SLC25A31: variants seen among roughly 807,000 people sequenced by gnomAD.
SLC25A31 encodes ADP/ATP translocase 4.
Under a neutral mutation model 36.2 loss-of-function variants are expected in SLC25A31, and 40 were observed. The observed-to-expected ratio is 1.10, with a 90% CI of 0.86 to 1.44. The LOEUF is 1.44. Ranked by LOEUF, SLC25A31 falls within the 40% of genes most tolerant of loss-of-function variation. The probability of loss-of-function intolerance (pLI) is 0.00; values close to 1 mark genes in which losing one functional copy is unlikely to be tolerated. For synonymous variants in SLC25A31, 143 were observed against 149.7 expected, an observed-to-expected ratio of 0.96 and a Z score of 0.32; for missense variants, 350 against 397.1, an observed-to-expected ratio of 0.88 and a Z score of 1.01.
At chr4:127,766,255 C>A (rs1241320276) in intron 3 of SLC25A31, among the ~76,000 whole-genome samples, 1 of 151,792 alleles carries the variant, frequency 6.6e-6, no homozygotes, top group African/African-American at 2.4e-5. Flanking sequence ...GCAGCCTCCA[C>A]CTCCCAGGTT....
chr4:127,770,510 C>T (rs1578674966), intron 5 of SLC25A31, among the ~76,000 whole-genome samples: 2 of 151,890 alleles, frequency 1.3e-5, no homozygotes, highest in South Asian at 4.2e-4. Context: ...CCTGTAGTCC[C>T]AGCTACTCGG....
intron 1 of SLC25A31, among the ~76,000 whole-genome samples, chr4:127,736,309 T>G (rs1731632541): frequency 6.6e-6 from 1 of 152,200 alleles, no homozygotes; most frequent in South Asian, 2.1e-4. Flanking sequence ...TCTTAAATTT[T>G]GAAGAAATTT....
At chr4:127,749,936 A>G (rs1488405853) in intron 2 of SLC25A31, among the ~76,000 whole-genome samples, 1 of 152,220 alleles carries the variant, frequency 6.6e-6, no homozygotes, top group Non-Finnish European at 1.5e-5. Flanking sequence ...TCAAAAACAA[A>G]GAATTTTAAA....
At chr4:127,764,482 C>T in intron 3 of SLC25A31, 122 bp downstream of exon 3, 2 of 763,076 alleles carry the variant, frequency 2.6e-6, no homozygotes, top group East Asian at 2.6e-5. Context: ...TGTTCTCAAC[C>T]AAATGGTGGA....
chr4:127,758,188 T>C (rs1258589105), intron 2 of SLC25A31, among the ~76,000 whole-genome samples: 1 of 152,156 alleles, frequency 6.6e-6, no homozygotes, highest in African/African-American at 2.4e-5. Flanking sequence ...TTCTGGGAGA[T>C]AAAATTCAAG....
At chr4:127,749,708 CAAA>C (rs34540386) in intron 2 of SLC25A31, among the ~76,000 whole-genome samples, 6 of 106,126 alleles carry the variant, frequency 5.7e-5, no homozygotes, top group Admixed American at 1.9e-4. Context: ...GACTCCATCT[CAAA>C]AAAAAAAAAA....
intron 2 of SLC25A31, among the ~76,000 whole-genome samples, chr4:127,757,661 G>A (rs1732055493): frequency 6.6e-6 from 1 of 152,090 alleles, no homozygotes; most frequent in Admixed American, 6.5e-5. Context: ...CCAGTAATAG[G>A]ATGGCATAGT....
chr4:127,767,261 T>A, intron 4 of SLC25A31, 41 bp downstream of exon 4: 1 of 1,368,386 alleles, frequency 7.3e-7, no homozygotes, highest in Non-Finnish European at 9.7e-7. Context: ...AAATATATGG[T>A]TTCCATTTAT....
intron 2 of SLC25A31, among the ~76,000 whole-genome samples, chr4:127,753,310 T>C (rs939004519): frequency 1.3e-5 from 2 of 150,842 alleles, no homozygotes; most frequent in Non-Finnish European, 2.9e-5. Flanking sequence ...CCAAACTCAG[T>C]TGAAGGAAGG....
chr4:127,753,822 A>T (rs769721523), intron 2 of SLC25A31, among the ~76,000 whole-genome samples: 1 of 152,178 alleles, frequency 6.6e-6, no homozygotes. Flanking sequence ...TGAGGTCAGC[A>T]TTACTCTGAT....
At chr4:127,746,735 T>C (rs1731831487) in intron 2 of SLC25A31, among the ~76,000 whole-genome samples, 1 of 152,238 alleles carries the variant, frequency 6.6e-6, no homozygotes, top group Admixed American at 6.5e-5. Flanking sequence ...CTGTTTACTC[T>C]GTTGATAGTT....
chr4:127,744,642 G>A lies in SLC25A31; in HGVS notation c.233-30G>A, dbSNP rs779103225. On this transcript the variant is annotated intron_variant, in intron 1 of 5. Coordinates refer to ENST00000281154, the MANE Select transcript of SLC25A31 (RefSeq NM_031291.4). The stretch of plus-strand genomic sequence containing the variant: ...GCAATTGTTTAATAATACAATGTAG[G>A]TTTATGTATTTATATGTTTCCCTCT... The A allele has an allele frequency of 6.4e-6, 10 of 1,568,254 alleles. No individual in the cohort carries two copies. The African/African-American group carries it at 1.2e-4, about 19-fold the overall frequency.
chr4:127,734,283 G>C (rs986840469), intron 1 of SLC25A31, among the ~76,000 whole-genome samples: 2 of 151,920 alleles, frequency 1.3e-5, no homozygotes, highest in Non-Finnish European at 2.9e-5. Flanking sequence ...TGATTTTCTG[G>C]GTGTGGTGGC....
intron 2 of SLC25A31, 51 bp downstream of exon 2, chr4:127,744,850 C>A: frequency 7.8e-7 from 1 of 1,284,038 alleles, no homozygotes; most frequent in Admixed American, 2.8e-5. Context: ...AATTTTCCAT[C>A]CAATATAAAT....
intron 1 of SLC25A31, 64 bp downstream of exon 1, chr4:127,730,841 G>A (rs1731509750): frequency 6.8e-7 from 1 of 1,479,412 alleles, no homozygotes; most frequent in Admixed American, 2.0e-5. Flanking sequence ...CCAGAGAAGA[G>A]GGTGGCTGGG....
intron 2 of SLC25A31, among the ~76,000 whole-genome samples, chr4:127,750,049 A>G (rs146888706): frequency 4.6e-5 from 7 of 152,336 alleles, no homozygotes; most frequent in African/African-American, 1.7e-4. Context: ...GCTAAAAGAA[A>G]AAAAAAATGT....
intron 3 of SLC25A31, among the ~76,000 whole-genome samples, chr4:127,764,874 A>G (rs1291831386): frequency 6.6e-6 from 1 of 152,172 alleles, no homozygotes; most frequent in Non-Finnish European, 1.5e-5. Context: ...TACCCTCTCA[A>G]AAAGGGTAAG....
chr4:127,771,881 T>C (rs183750672), intron 5 of SLC25A31, among the ~76,000 whole-genome samples: 207 of 152,390 alleles, frequency 1.4e-3, no homozygotes, highest in Non-Finnish European at 2.0e-3. Flanking sequence ...GTTTACATAT[T>C]GTGTTAAATT....
intron 2 of SLC25A31, among the ~76,000 whole-genome samples, chr4:127,747,164 T>C (rs1731841566): frequency 6.6e-6 from 1 of 152,230 alleles, no homozygotes; most frequent in Admixed American, 6.5e-5. Flanking sequence ...CATGCTGTTT[T>C]GGTTACTTTA....
Sources: gnomAD v4.1 joint callset for allele counts (sites outside exome capture counted in the v4.1 genomes callset) on GRCh38, gnomAD v4.1.1 for gene constraint, MANE v1.5 for transcripts, NCBI Gene and HGNC (gene_info 2026-07-23, HGNC 2026-07-21) for gene names.